Variants in UBR3 observed in about 807,000 individuals in gnomAD.
UBR3 encodes ubiquitin protein ligase E3 component n-recognin 3.
UBR3 carries 85 observed loss-of-function variants against 243.2 expected under a neutral mutation model. That is an observed-to-expected ratio of 0.35 (90% CI 0.29 to 0.42). The LOEUF is 0.42. Ranked by LOEUF, UBR3 falls within the 10% of genes least tolerant of loss-of-function variation. UBR3 has a pLI of 1.00. For missense variants in UBR3, 1,686 were observed against 2,300.8 expected (o/e 0.73, Z 5.47); for synonymous variants, 748 against 799.8 (o/e 0.94, Z 1.09).
In UBR3 at chr2:169,979,943, G is replaced by A. The variant is rs934366124; in HGVS notation, c.3635-6702G>A. On this transcript the variant is annotated intron_variant, in intron 24 of 38. Transcript: ENST00000272793. Reference sequence around the variant, plus strand: ...GGATGGAATGCAGACTATGACAGGAGAATATAACTGTATTACAGATGTATG... The same window carrying A: ...GGATGGAATGCAGACTATGACAGGAAAATATAACTGTATTACAGATGTATG... Among the ~76,000 whole-genome samples the A allele has an allele frequency of 3.3e-5, 5 of 152,254 alleles. 1 individual carries two copies. The highest frequency in any genetic ancestry group is 9.6e-5 in the African/African-American group (4 of 41,536).
chr2:170,017,900 A>G (rs1574404420), intron 30 of UBR3, among the ~76,000 whole-genome samples: 1 of 152,294 alleles, frequency 6.6e-6, no homozygotes, highest in Admixed American at 6.5e-5. Flanking sequence ...TAAATTATTT[A>G]ATCTTTAGAA....
At chr2:170,053,078 G>A (rs1188534119) in intron 32 of UBR3, among the ~76,000 whole-genome samples, 1 of 152,162 alleles carries the variant, frequency 6.6e-6, no homozygotes, top group Non-Finnish European at 1.5e-5. Context: ...ATAAACTACT[G>A]TGCTGGAAAG....
At chr2:169,995,112 G>A (rs959695114) in intron 26 of UBR3, among the ~76,000 whole-genome samples, 3 of 152,012 alleles carry the variant, frequency 2.0e-5, no homozygotes, top group African/African-American at 7.2e-5. Context: ...AATTTATAAA[G>A]TATATGATAA....
intron 8 of UBR3, among the ~76,000 whole-genome samples, chr2:169,898,653 G>T (rs1353386482): frequency 6.9e-6 from 1 of 143,956 alleles, no homozygotes; most frequent in Non-Finnish European, 1.5e-5. Context: ...TTACATTAAA[G>T]AATATACTTC....
chr2:170,027,330 A>T (rs1431716231), intron 30 of UBR3, among the ~76,000 whole-genome samples: 1 of 151,472 alleles, frequency 6.6e-6, no homozygotes, highest in Non-Finnish European at 1.5e-5. Flanking sequence ...AAGATGATAT[A>T]ATATCATCTT....
At chr2:170,000,395 T>C (rs115533593) in intron 26 of UBR3, among the ~76,000 whole-genome samples, 2,079 of 152,300 alleles carry the variant, frequency 0.014, 44 homozygotes, top group African/African-American at 0.046. Context: ...GGATATAGAC[T>C]TGAATATTAT....
At chr2:170,058,342 G>A (rs1574463127) in intron 33 of UBR3, among the ~76,000 whole-genome samples, 1 of 152,140 alleles carries the variant, frequency 6.6e-6, no homozygotes, top group Middle Eastern at 3.4e-3. Context: ...ATTTGAAGGG[G>A]TGTTAATTTG....
intron 36 of UBR3, among the ~76,000 whole-genome samples, chr2:170,076,482 T>C (rs942309300): frequency 6.6e-6 from 1 of 152,196 alleles, no homozygotes; most frequent in Admixed American, 6.5e-5. Context: ...CCTCTCTGCA[T>C]CCAGTAGCTC....
At chr2:170,002,862 A>T (rs1482645836) in intron 27 of UBR3, among the ~76,000 whole-genome samples, 2 of 151,838 alleles carry the variant, frequency 1.3e-5, no homozygotes, top group African/African-American at 4.8e-5. Flanking sequence ...TTATTTATTT[A>T]TTTATTTTTG....
chr2:169,931,373 A>AAAAG (rs1491140753), intron 18 of UBR3, among the ~76,000 whole-genome samples: 3 of 136,058 alleles, frequency 2.2e-5, no homozygotes, highest in Non-Finnish European at 4.8e-5. Context: ...AAAAAAAAAA[A>AAAAG]GGACGATAAA....
chr2:170,034,694 C>G (rs1176322404), intron 31 of UBR3, among the ~76,000 whole-genome samples: 1 of 151,394 alleles, frequency 6.6e-6, no homozygotes, highest in African/African-American at 2.4e-5. Context: ...TACTAAGGAG[C>G]ATGATTACTG....
chr2:170,004,037 C>T (rs1279761446), intron 27 of UBR3, among the ~76,000 whole-genome samples: 1 of 152,152 alleles, frequency 6.6e-6, no homozygotes, highest in Non-Finnish European at 1.5e-5. Flanking sequence ...AAGGGGCCTT[C>T]TGGTCCATTT....
chr2:170,041,059 T>C (rs1218166154), intron 32 of UBR3, 74 bp downstream of exon 32: 2 of 1,421,396 alleles, frequency 1.4e-6, no homozygotes, highest in African/African-American at 1.4e-5. Flanking sequence ...TAGAGACAAA[T>C]AGGCTGGGTG....
intron 30 of UBR3, among the ~76,000 whole-genome samples, chr2:170,025,185 T>C (rs2090495588): frequency 1.3e-5 from 2 of 152,260 alleles, no homozygotes; most frequent in South Asian, 2.1e-4. Context: ...GGTACAAAAA[T>C]GTAAAGACAC....
intron 24 of UBR3, among the ~76,000 whole-genome samples, chr2:169,985,713 G>A (rs1200073212): frequency 6.6e-6 from 1 of 151,894 alleles, no homozygotes; most frequent in Non-Finnish European, 1.5e-5. Flanking sequence ...TTAATACTAG[G>A]CATTACCCAA....
intron 24 of UBR3, among the ~76,000 whole-genome samples, chr2:169,975,354 G>T (rs1334945993): frequency 1.3e-5 from 2 of 152,126 alleles, no homozygotes; most frequent in Admixed American, 6.6e-5. Flanking sequence ...AGTTTGTTGT[G>T]ACTTGTTTTT....
At chr2:169,910,676 C>G (rs143748293) in intron 10 of UBR3, among the ~76,000 whole-genome samples, 163 of 152,214 alleles carry the variant, frequency 1.1e-3, no homozygotes, top group African/African-American at 3.7e-3. Context: ...AGCACTTACA[C>G]TATGTGAGAC....
intron 24 of UBR3, among the ~76,000 whole-genome samples, chr2:169,966,239 C>G (rs890218445): frequency 3.3e-5 from 5 of 152,066 alleles, no homozygotes; most frequent in African/African-American, 1.2e-4. Context: ...TAACCTTGAT[C>G]CATTAAGATT....
At chr2:169,946,223 A>C in intron 20 of UBR3, 65 bp from the exon 21 acceptor site, 1 of 908,294 alleles carries the variant, frequency 1.1e-6, no homozygotes, top group Non-Finnish European at 1.6e-6. Flanking sequence ...ATATTTTTGG[A>C]TCTCTAAATG....
Sources: gnomAD v4.1 joint callset for allele counts (sites outside exome capture counted in the v4.1 genomes callset) on GRCh38, gnomAD v4.1.1 for gene constraint, MANE v1.5 for transcripts, NCBI Gene and HGNC (gene_info 2026-07-23, HGNC 2026-07-21) for gene names.